Variants in ZNF775 observed in about 807,000 individuals in gnomAD.
The protein encoded by ZNF775 is zinc finger protein 775.
A neutral mutation model predicts 2.4 loss-of-function variants in ZNF775; 1 was observed. The ratio of observed to expected loss-of-function variants is 0.41; its 90% CI spans 0.15 to 1.94. The LOEUF (loss-of-function observed/expected upper bound fraction) is 1.94. Ranked by LOEUF, ZNF775 falls within the 30% of genes most tolerant of loss-of-function variation. ZNF775 has a pLI of 0.30. For synonymous variants in ZNF775, 381 were observed against 373.3 expected (o/e 1.02, Z -0.24); for missense variants, 823 against 826.6 (o/e 1.00, Z 0.05).
At chr7:150,385,797 T>C (rs767214970) in intron 1 of ZNF775, among the ~76,000 whole-genome samples, 20 of 152,140 alleles carry the variant, frequency 1.3e-4, no homozygotes, top group Admixed American at 1.3e-4. Flanking sequence ...TGACAGGAGA[T>C]AGTTTTGTGA....
intron 2 of ZNF775, among the ~76,000 whole-genome samples, chr7:150,394,912 A>G (rs1310950675): frequency 6.6e-6 from 1 of 152,218 alleles, no homozygotes; most frequent in African/African-American, 2.4e-5. Context: ...TGTTCAAAGA[A>G]TGATAAACCT....
At position 150,397,729 on chromosome 7, in the gene ZNF775, G is replaced by A. The variant is rs1280172523; in HGVS notation, c.1248G>A (p.Pro416=). 2.1e-6 allele frequency: 3 copies of A among 1,433,110 alleles called. No homozygotes were observed. Among genetic ancestry groups the A allele is most frequent in the Non-Finnish European group, 2.7e-6 (3 of 1,102,480 alleles). The allele number at this position is 1,433,110 out of a possible 1,614,324, so 88.8% of individuals were successfully genotyped here. The change falls in exon 3 of 3, where the codon CCG becomes CCA. Residue 416 remains proline, a synonymous_variant. Transcript: ENST00000329630. ...AEAIPGLAAR[P]RSSQRSPGAR... ...CCATCCCGGGCTTGGCCGCGAGGCC[G>A]CGGAGCTCCCAACGGTCCCCGGGGG...
intron 2 of ZNF775, among the ~76,000 whole-genome samples, chr7:150,389,897 G>A (rs1315742276): frequency 4.0e-5 from 1 of 24,946 alleles, no homozygotes; most frequent in Non-Finnish European, 1.1e-4. Flanking sequence ...GTGTGTGTGT[G>A]TGTGTGTGTG....
intron 1 of ZNF775, chr7:150,380,049 C>A (rs926612123): frequency 2.0e-5 from 3 of 152,190 alleles, no homozygotes; most frequent in Non-Finnish European, 4.4e-5. Context: ...AGGATATCTA[C>A]ATGTGGAAGG....
rs760332461 is a variant in ZNF775 at position 150,397,277 on chromosome 7, C to T, written c.796C>T (p.Arg266Trp). ...CQGWWGQPGA[R>W]AAVSGPEGPG... is the part of the protein sequence containing the mutation. Reference sequence around the variant, plus strand: ...GGGCTGGTGGGGCCAGCCCGGGGCCCGGGCCGCGGTCTCCGGCCCCGAGGG... The same window carrying T: ...GGGCTGGTGGGGCCAGCCCGGGGCCTGGGCCGCGGTCTCCGGCCCCGAGGG... Residue 266 changes from arginine to tryptophan, a missense_variant, in exon 3 of 3, where the codon CGG becomes TGG. Coordinates refer to ENST00000329630, the MANE Select transcript of ZNF775 (RefSeq NM_173680.4). 12 of 1,457,230 alleles carry T rather than the reference C, an allele frequency of 8.2e-6. No individual in the cohort carries two copies. Among genetic ancestry groups the T allele is most frequent in the Non-Finnish European group, 1.1e-5 (12 of 1,107,392 alleles). The allele number at this position is 1,457,230 out of a possible 1,614,324, so 90.3% of individuals were successfully genotyped here.
chr7:150,383,186 A>G (rs1012938104), intron 1 of ZNF775, among the ~76,000 whole-genome samples: 1 of 152,146 alleles, frequency 6.6e-6, no homozygotes, highest in South Asian at 2.1e-4. Flanking sequence ...TCAGTTTCTT[A>G]TGTCCCTATG....
chr7:150,393,414 A>T (rs1239261815), intron 2 of ZNF775, among the ~76,000 whole-genome samples: 2 of 152,248 alleles, frequency 1.3e-5, no homozygotes, highest in African/African-American at 4.8e-5. Flanking sequence ...AGTTAGGAAT[A>T]AAGCTATAAA....
Position 150,397,999 on chromosome 7 carries a change from C to G in ZNF775, c.1518C>G (p.Ala506=). The G allele has an allele frequency of 6.3e-7, 1 of 1,590,890 alleles. No homozygotes were observed. Among genetic ancestry groups the G allele is most frequent in the East Asian group, 2.3e-5 (1 of 44,246 alleles). The change falls in exon 3 of 3, where the codon GCC becomes GCG. Residue 506 remains alanine, a synonymous_variant. Coordinates refer to ENST00000329630, the MANE Select transcript of ZNF775 (RefSeq NM_173680.4). ...GCGAGCGGCCCTACCTGTGTCCCGCCTGCGGCCGCGGCTTCAGCCAGAAGC... is the reference window on the plus strand; with the variant it reads ...GCGAGCGGCCCTACCTGTGTCCCGCGTGCGGCCGCGGCTTCAGCCAGAAGC... ...HTGERPYLCP[A]CGRGFSQKQH... is the part of the protein sequence containing the mutation.
intron 1 of ZNF775, among the ~76,000 whole-genome samples, chr7:150,383,205 T>TTATAG (rs1585083363): frequency 1.3e-5 from 2 of 152,202 alleles, no homozygotes; most frequent in East Asian, 3.8e-4. Context: ...TGATCATATA[T>TTATAG]TTAAATTAAA....
At position 150,397,463 on chromosome 7, in the gene ZNF775, C is replaced by A. The variant is rs1433359227; in HGVS notation, c.982C>A (p.Leu328Met). ...CCAGAAGCCCAACTTGACGCGGCAC[C>A]TGCGCAACCACACAGGCGAGCGCCC... The part of the protein sequence containing the change: ...FSQKPNLTRH[L>M]RNHTGERPHP... The change falls in exon 3 of 3, where the codon CTG becomes ATG. Residue 328 changes from leucine to methionine, a missense_variant. Coordinates refer to ENST00000329630, the MANE Select transcript of ZNF775 (RefSeq NM_173680.4). The A allele has an allele frequency of 1.3e-6, 2 of 1,593,604 alleles. No homozygotes were observed. Among genetic ancestry groups the A allele is most frequent in the Non-Finnish European group, 1.7e-6 (2 of 1,175,038 alleles).
At chr7:150,388,585 G>A (rs1011858526) in intron 2 of ZNF775, 84 bp downstream of exon 2, 19 of 1,493,516 alleles carry the variant, frequency 1.3e-5, no homozygotes, top group African/African-American at 4.2e-5. Flanking sequence ...AGCCAGGCGC[G>A]AGCCAGTGCC....
At position 150,397,594 on chromosome 7, in the gene ZNF775, C is replaced by T. The variant is rs769440512; in HGVS notation, c.1113C>T (p.Cys371=). 55 of 1,461,984 alleles carry T rather than the reference C, an allele frequency of 3.8e-5. No individual in the cohort carries two copies. The East Asian group carries it at 6.7e-4, about 18-fold the overall frequency. 90.6% of individuals were successfully genotyped at this position (1,461,984 alleles called of 1,614,324 possible). The part of the protein sequence containing the change: ...PGAQAAPCPS[C]GKSCRSRAAL... ...CCCAGGCTGCGCCCTGCCCCAGCTG[C>T]GGTAAGAGCTGCCGCAGCCGCGCCG... The change falls in exon 3 of 3, where the codon TGC becomes TGT. Residue 371 remains cysteine (C), a synonymous_variant. Transcript: ENST00000329630.
At chr7:150,395,614 G>C (rs1340544244) in intron 2 of ZNF775, among the ~76,000 whole-genome samples, 1 of 152,190 alleles carries the variant, frequency 6.6e-6, no homozygotes, top group Non-Finnish European at 1.5e-5. Context: ...CATTTTGCCA[G>C]TTTCTCCTCT....
chr7:150,390,561 AT>A (rs1800544395), intron 2 of ZNF775, among the ~76,000 whole-genome samples: 3 of 152,224 alleles, frequency 2.0e-5, no homozygotes, highest in Admixed American at 1.3e-4. Flanking sequence ...CAGATGATTC[AT>A]ATGGTTTTTC....
At chr7:150,393,888 T>C (rs1800604133) in intron 2 of ZNF775, among the ~76,000 whole-genome samples, 1 of 152,248 alleles carries the variant, frequency 6.6e-6, no homozygotes, top group South Asian at 2.1e-4. Flanking sequence ...CAGGCTGGTC[T>C]TGAACTCCTA....
chr7:150,380,550 A>T (rs913665306), intron 1 of ZNF775, among the ~76,000 whole-genome samples: 9 of 152,170 alleles, frequency 5.9e-5, no homozygotes, highest in African/African-American at 1.7e-4. Flanking sequence ...AGAACTGAGC[A>T]AGGGCCTTCC....
chr7:150,387,540 G>A (rs796105493), intron 1 of ZNF775, among the ~76,000 whole-genome samples: 8 of 151,500 alleles, frequency 5.3e-5, no homozygotes, highest in Non-Finnish European at 8.9e-5. Context: ...AAGGCCGGGC[G>A]CAGTGGCTCA....
At chr7:150,386,024 C>T (rs1351140649) in intron 1 of ZNF775, among the ~76,000 whole-genome samples, 2 of 152,110 alleles carry the variant, frequency 1.3e-5, no homozygotes, top group African/African-American at 4.8e-5. Flanking sequence ...CAACCTCTGC[C>T]TCCTGAGTTC....
chr7:150,396,698 A>T lies in ZNF775; in HGVS notation c.217A>T (p.Arg73Trp), dbSNP rs1800662160. The change falls in exon 3 of 3, where the codon AGG becomes TGG. Residue 73 changes from arginine to tryptophan, a missense_variant. Physicochemically the swap from Arg to Trp is moderately radical, Grantham distance 101 (BLOSUM62 -3). Coordinates refer to ENST00000329630, the MANE Select transcript of ZNF775 (RefSeq NM_173680.4). ...LGGQEESGSP[R>W]WAPPTEQDAG... ...GGGACAGGAGGAGTCTGGGAGTCCAAGGTGGGCCCCTCCCACTGAGCAGGA... is the reference window on the plus strand; with the variant it reads ...GGGACAGGAGGAGTCTGGGAGTCCATGGTGGGCCCCTCCCACTGAGCAGGA... 6.2e-7 allele frequency: 1 copy of T among 1,604,960 alleles called. No individual in the cohort carries two copies. The highest frequency in any genetic ancestry group is 8.5e-7 in the Non-Finnish European group (1 of 1,176,616).
Sources: gnomAD v4.1 joint callset for allele counts (sites outside exome capture counted in the v4.1 genomes callset) on GRCh38, gnomAD v4.1.1 for gene constraint, MANE v1.5 for transcripts, NCBI Gene and HGNC (gene_info 2026-07-23, HGNC 2026-07-21) for gene names.